The following LOC128462377 variants were observed in gnomAD, a reference collection of about 807,000 sequenced individuals.
the LOC128462377 span, among the ~76,000 whole-genome samples, chr16:89,350,504 C>A: frequency 2.0e-5 from 3 of 152,284 alleles, no homozygotes; most frequent in African/African-American, 7.2e-5. Context: ...CACCACAGAA[C>A]CCAGATCAAT....
chr16:89,348,248 A>T, the LOC128462377 span, among the ~76,000 whole-genome samples: 2 of 152,142 alleles, frequency 1.3e-5, no homozygotes, highest in Admixed American at 6.5e-5. Context: ...ACCATTTTTT[A>T]AAAAAATCTT....
the LOC128462377 span, among the ~76,000 whole-genome samples, chr16:89,399,631 C>T: frequency 8.8e-3 from 1,345 of 152,244 alleles, 30 homozygotes; most frequent in African/African-American, 0.03. Flanking sequence ...GCACAGCACC[C>T]GGTGGACCCT....
At chr16:89,357,602 A>G in the LOC128462377 span, among the ~76,000 whole-genome samples, 1 of 152,238 alleles carries the variant, frequency 6.6e-6, no homozygotes, top group South Asian at 2.1e-4. Flanking sequence ...ATGGTTCCCA[A>G]CAGCAAACCC....
At chr16:89,353,908 T>A in the LOC128462377 span, among the ~76,000 whole-genome samples, 701 of 152,298 alleles carry the variant, frequency 4.6e-3, 5 homozygotes, top group African/African-American at 0.016. Flanking sequence ...GCAGGGAGCG[T>A]GGGGCATGTC....
At chr16:89,385,987 C>A in the LOC128462377 span, among the ~76,000 whole-genome samples, 1 of 152,240 alleles carries the variant, frequency 6.6e-6, no homozygotes, top group Non-Finnish European at 1.5e-5. Context: ...CTCAAGCCGG[C>A]CTCCCGCTCA....
chr16:89,333,887 C>T, the LOC128462377 span, among the ~76,000 whole-genome samples: 12 of 152,112 alleles, frequency 7.9e-5, no homozygotes, highest in Admixed American at 6.5e-4. Context: ...AGTATGTGGG[C>T]GTGTGTTGTG....
chr16:89,362,527 G>A, the LOC128462377 span, among the ~76,000 whole-genome samples: 12 of 152,334 alleles, frequency 7.9e-5, no homozygotes, highest in Admixed American at 2.0e-4. Context: ...GATACTGGGC[G>A]GAGCACACAT....
At chr16:89,344,726 CGAGGGCACGGGAGCACAGCG>C in the LOC128462377 span, among the ~76,000 whole-genome samples, 2,223 of 152,008 alleles carry the variant, frequency 0.015, 47 homozygotes, top group African/African-American at 0.05. Context: ...CTCCCAAGCA[CGAGGGCACGGGAGCACAGCG>C]GAGGGCACGG....
At chr16:89,409,458 C>T in the LOC128462377 span, among the ~76,000 whole-genome samples, 1 of 152,156 alleles carries the variant, frequency 6.6e-6, no homozygotes, top group South Asian at 2.1e-4. Context: ...ACGTCACGGC[C>T]CTGCCCACAG....
the LOC128462377 span, among the ~76,000 whole-genome samples, chr16:89,381,331 C>CAAAAAAAAAAAAAAAA: frequency 2.5e-4 from 19 of 76,352 alleles, no homozygotes; most frequent in African/African-American, 1.0e-3. Context: ...GACTCTGCTG[C>CAAAAAAAAAAAAAAAA]AAAAAAAAAA....
chr16:89,404,687 T>C, the LOC128462377 span, among the ~76,000 whole-genome samples: 1 of 152,238 alleles, frequency 6.6e-6, no homozygotes, highest in Non-Finnish European at 1.5e-5. Context: ...CAAAGTGGCA[T>C]GTTCAACCTT....
chr16:89,400,964 G>A, the LOC128462377 span, among the ~76,000 whole-genome samples: 1 of 152,186 alleles, frequency 6.6e-6, no homozygotes, highest in African/African-American at 2.4e-5. Context: ...TCCCCCGTCT[G>A]CCCCGGGGCT....
the LOC128462377 span, among the ~76,000 whole-genome samples, chr16:89,394,055 G>A: frequency 6.6e-6 from 1 of 152,142 alleles, no homozygotes; most frequent in African/African-American, 2.4e-5. Flanking sequence ...GCAGCTCACA[G>A]GGTGCTCCTC....
the LOC128462377 span, chr16:89,323,473 G>A: frequency 1.3e-5 from 3 of 239,706 alleles, no homozygotes; most frequent in African/African-American, 9.5e-5. Context: ...CGAGGGCAGG[G>A]GGGCAGAGCC....
At chr16:89,404,777 C>G in the LOC128462377 span, among the ~76,000 whole-genome samples, 1 of 152,248 alleles carries the variant, frequency 6.6e-6, no homozygotes, top group East Asian at 1.9e-4. Context: ...ACGCCTACCT[C>G]GCAAGGTCAT....
At chr16:89,329,516 G>A in the LOC128462377 span, among the ~76,000 whole-genome samples, 1 of 152,212 alleles carries the variant, frequency 6.6e-6, no homozygotes, top group African/African-American at 2.4e-5. Flanking sequence ...AACCCACTGA[G>A]CTGTAAATTT....
the LOC128462377 span, among the ~76,000 whole-genome samples, chr16:89,333,003 C>T: frequency 1.3e-5 from 2 of 152,200 alleles, no homozygotes; most frequent in African/African-American, 4.8e-5. Context: ...CCTGTGCACC[C>T]GGGGAATTTC....
chr16:89,407,072 G>A, the LOC128462377 span, among the ~76,000 whole-genome samples: 1 of 151,674 alleles, frequency 6.6e-6, no homozygotes, highest in Non-Finnish European at 1.5e-5. Flanking sequence ...TGTAACCCCA[G>A]GTACTCGGGA....
the LOC128462377 span, among the ~76,000 whole-genome samples, chr16:89,377,315 GA>G: frequency 6.6e-6 from 1 of 152,114 alleles, no homozygotes; most frequent in Non-Finnish European, 1.5e-5. Flanking sequence ...ATGACACCAT[GA>G]AAGATGCCAT....
Sources: gnomAD v4.1 joint callset for allele counts (sites outside exome capture counted in the v4.1 genomes callset) on GRCh38, gnomAD v4.1.1 for gene constraint, MANE v1.5 for transcripts.